The following PSD2 variants were observed in gnomAD, a reference collection of about 807,000 sequenced individuals.
PSD2 encodes pleckstrin and Sec7 domain containing 2, also known as PH and SEC7 domain-containing protein 2.
PSD2 carries 38 observed loss-of-function variants against 69.8 expected under a neutral mutation model. The ratio of observed to expected loss-of-function variants is 0.54; its 90% CI spans 0.42 to 0.71. The LOEUF (loss-of-function observed/expected upper bound fraction) is 0.71. Among genes scored for constraint, PSD2 ranks in the 30% least tolerant of loss-of-function variants. The probability of loss-of-function intolerance (pLI) is 0.00; values close to 1 mark genes in which losing one functional copy is unlikely to be tolerated. For missense variants in PSD2, 943 were observed against 1,014.5 expected (o/e 0.93, Z 0.96); for synonymous variants, 412 against 423.0 (o/e 0.97, Z 0.32).
the PSD2 span, among the ~76,000 whole-genome samples, chr5:139,767,115 C>T: frequency 1.3e-5 from 2 of 151,430 alleles, no homozygotes; most frequent in African/African-American, 4.9e-5. Context: ...GCCTCAGCCT[C>T]CCGAGTAGCT....
intron 2 of PSD2, among the ~76,000 whole-genome samples, chr5:139,810,724 A>T (rs1182105615): frequency 6.6e-6 from 1 of 152,206 alleles, no homozygotes; most frequent in Non-Finnish European, 1.5e-5. Flanking sequence ...TGTCTGTGGC[A>T]CTGGGTGTGC....
At position 139,833,578 on chromosome 5, in the gene PSD2, C is replaced by T. The variant is rs573373675; in HGVS notation, c.1270-124C>T. Reference sequence around the variant, plus strand: ...ACTCTTGGAGACAAAAGAAAATTCACGCAATTTAATTTTCATTATTGCCCT... The same window carrying T: ...ACTCTTGGAGACAAAAGAAAATTCATGCAATTTAATTTTCATTATTGCCCT... On this transcript the variant is annotated intron_variant, in intron 7 of 14. Transcript: ENST00000274710. 7.1e-5 allele frequency: 51 copies of T among 714,364 alleles called. 1 individual carries two copies. The highest frequency in any genetic ancestry group is 4.2e-4 in the South Asian group (28 of 66,454). 44.3% of individuals were successfully genotyped at this position (714,364 alleles called of 1,614,324 possible). A position where few individuals can be genotyped will look rare whatever the true frequency, so the allele number is the denominator to read the frequency against.
the PSD2 span, among the ~76,000 whole-genome samples, chr5:139,769,031 G>A: frequency 6.6e-6 from 1 of 152,184 alleles, no homozygotes; most frequent in Non-Finnish European, 1.5e-5. Context: ...TCTGTCATTG[G>A]TGGAGGGTAG....
the PSD2 span, among the ~76,000 whole-genome samples, chr5:139,747,625 G>C: frequency 6.6e-6 from 1 of 152,236 alleles, no homozygotes; most frequent in African/African-American, 2.4e-5. This position sits in a 1 kb window ranked among gnomAD's most constrained non-coding sequence, Gnocchi z 6.7. Context: ...GAGCGGTGTC[G>C]GCCCTGCCCG....
the PSD2 span, among the ~76,000 whole-genome samples, chr5:139,746,683 G>T: frequency 6.6e-6 from 1 of 152,220 alleles, no homozygotes; most frequent in Non-Finnish European, 1.5e-5. This position sits in a 1 kb window ranked among gnomAD's most constrained non-coding sequence, Gnocchi z 4.5. Flanking sequence ...ACTGATGCGC[G>T]AGGGAGGCTG....
chr5:139,806,967 A>G (rs1759824119), intron 1 of PSD2, among the ~76,000 whole-genome samples: 1 of 152,194 alleles, frequency 6.6e-6, no homozygotes, highest in Non-Finnish European at 1.5e-5. Context: ...GCTCCCAGCT[A>G]AAGGAGGACA....
rs142990107 is a variant in PSD2, at chr5:139,809,585, G to A, written c.145G>A (p.Glu49Lys). ...CAGCAGCCTCTGCAGCCCAGGGCAC[G>A]AGCGAAGGGGCACCCCAGCGGACAC... ...LNSSLCSPGHERRGTPADTEE... is the reference protein window; with the variant it reads ...LNSSLCSPGHKRRGTPADTEE... Residue 49 changes from glutamate (E) to lysine (K), a missense_variant, in exon 2 of 15, where the codon GAG (glutamate) becomes AAG (lysine). Glu to Lys is a moderately conservative substitution (Grantham distance 56). This residue lies in a region of PSD2 where 466 missense variants were observed against 445.0 expected (regional missense o/e 1.05). Transcript: ENST00000274710. 7.4e-6 allele frequency: 12 copies of A among 1,614,102 alleles called. No homozygotes were observed. In the African/African-American group the frequency reaches 1.1e-4, roughly 14 times the overall value.
chr5:139,840,626 C>T (rs1268077518), intron 14 of PSD2, among the ~76,000 whole-genome samples: 1 of 151,152 alleles, frequency 6.6e-6, no homozygotes, highest in African/African-American at 2.4e-5. Flanking sequence ...TCTTGGCTCA[C>T]TATAATCTCT....
chr5:139,752,551 C>G, the PSD2 span, among the ~76,000 whole-genome samples: 8 of 152,190 alleles, frequency 5.3e-5, no homozygotes, highest in Non-Finnish European at 7.3e-5. Context: ...CATACAGATG[C>G]ACCTGGTGAC....
rs760579318 is a variant in PSD2, at chr5:139,809,820, A to G, written c.371+9A>G. ...GAGGACCCTCAGCTGGGGTGAGTGG[A>G]TGTCTTGGGATGGGAGCTCACCACA... On this transcript the variant is annotated intron_variant, in intron 2 of 14. Coordinates refer to ENST00000274710, the MANE Select transcript of PSD2 (RefSeq NM_032289.4). The G allele has an allele frequency of 6.2e-7, 1 of 1,613,208 alleles. No individual in the cohort carries two copies. Among genetic ancestry groups the G allele is most frequent in the South Asian group, 1.1e-5 (1 of 90,980 alleles).
At position 139,836,863 on chromosome 5, in the gene PSD2, G is replaced by A. The variant is rs1439156301; in HGVS notation, c.1456G>A (p.Gly486Arg). Residue 486 changes from glycine to arginine, a missense_variant, in exon 10 of 15, where the codon GGG (glycine) becomes AGG (arginine). Physicochemically the swap from Gly to Arg is moderately radical, Grantham distance 125 (BLOSUM62 -2). Transcript: ENST00000274710. ...SLSELVDDKF[G>R]TGTKKVTRIL... ...GTCTGAGCTGGTGGATGACAAGTTC[G>A]GGACAGGCACGAAGAAGGTGACGCG... 40 of 1,614,192 alleles carry A rather than the reference G, an allele frequency of 2.5e-5. No individual in the cohort carries two copies. The highest frequency in any genetic ancestry group is 6.7e-5 in the Admixed American group (4 of 60,022).
chr5:139,782,298 C>T, the PSD2 span, among the ~76,000 whole-genome samples: 5 of 152,192 alleles, frequency 3.3e-5, no homozygotes, highest in South Asian at 1.0e-3. Context: ...ATTCTCCTGC[C>T]TCAGCCTCCC....
Position 139,839,722 on chromosome 5 carries a change from G to A in PSD2, c.1969-305G>A, listed in dbSNP as rs1760824465. On this transcript the variant is annotated intron_variant, in intron 13 of 14. Transcript: ENST00000274710. This position sits in a 1 kb window ranked among gnomAD's most constrained non-coding sequence, Gnocchi z 5.1. ...CTGGGTTTTGTGTGGGGGTCATTGT[G>A]TGTCTGTGTCAGGGACTGTCTATGT... 6.6e-6 allele frequency among the ~76,000 whole-genome samples: 1 copy of A among 152,230 alleles called. No homozygotes were observed. The highest frequency in any genetic ancestry group is 1.5e-5 in the Non-Finnish European group (1 of 68,034).
chr5:139,746,847 C>T, the PSD2 span, among the ~76,000 whole-genome samples: 1 of 152,188 alleles, frequency 6.6e-6, no homozygotes, highest in Non-Finnish European at 1.5e-5. This position sits in a 1 kb window ranked among gnomAD's most constrained non-coding sequence, Gnocchi z 4.5. Context: ...GGGGCAGCGA[C>T]GCTCCCTCGC....
At chr5:139,780,549 T>C in the PSD2 span, among the ~76,000 whole-genome samples, 1 of 152,198 alleles carries the variant, frequency 6.6e-6, no homozygotes, top group African/African-American at 2.4e-5. Flanking sequence ...GTTCAAGTGA[T>C]TCTCCTGCCT....
chr5:139,763,750 C>T, the PSD2 span, among the ~76,000 whole-genome samples: 1 of 152,234 alleles, frequency 6.6e-6, no homozygotes, highest in Admixed American at 6.5e-5. Flanking sequence ...TGCTCTCACA[C>T]CCAGCCTGCC....
chr5:139,751,187 C>T, the PSD2 span, among the ~76,000 whole-genome samples: 1 of 152,160 alleles, frequency 6.6e-6, no homozygotes, highest in East Asian at 1.9e-4. Flanking sequence ...CAGCCTAGCT[C>T]TGGGAAAATC....
chr5:139,778,262 G>A, the PSD2 span, among the ~76,000 whole-genome samples: 25 of 152,208 alleles, frequency 1.6e-4, no homozygotes, highest in Non-Finnish European at 3.2e-4. Flanking sequence ...CATGAAAATA[G>A]GAAGACAGCT....
the PSD2 span, among the ~76,000 whole-genome samples, chr5:139,760,449 T>A: frequency 2.0e-5 from 3 of 152,084 alleles, no homozygotes; most frequent in African/African-American, 7.2e-5. Context: ...TCTGTCAGGG[T>A]CCAGCCACTG....
Sources: allele counts gnomAD v4.1 joint callset (sites outside exome capture counted in the v4.1 genomes callset), GRCh38; gene constraint gnomAD v4.1.1; regional missense constraint gnomAD v4.1.1; non-coding constraint Gnocchi (gnomAD v3.1); transcripts MANE v1.5; gene names NCBI Gene and HGNC (gene_info 2026-07-23, HGNC 2026-07-21).